AP1G1: variants seen among roughly 807,000 people sequenced by gnomAD.
AP1G1 encodes adaptor related protein complex 1 subunit gamma 1.
A neutral mutation model predicts 108.3 loss-of-function variants in AP1G1; 7 were observed. That is an observed-to-expected ratio of 0.06 (90% CI 0.04 to 0.12). AP1G1 has a LOEUF of 0.12. Among genes scored for constraint, AP1G1 ranks in the 10% least tolerant of loss-of-function variants. The probability of loss-of-function intolerance (pLI) is 1.00; values close to 1 mark genes in which losing one functional copy is unlikely to be tolerated. For missense variants in AP1G1, 756 were observed against 1,010.7 expected (o/e 0.75, Z 3.42); for synonymous variants, 379 against 353.5 (o/e 1.07, Z -0.81).
At chr16:71,797,033 T>C (rs966137877) in intron 1 of AP1G1, among the ~76,000 whole-genome samples, 2 of 150,076 alleles carry the variant, frequency 1.3e-5, no homozygotes, top group African/African-American at 2.4e-5. Context: ...TATATATATA[T>C]ATGTATGTAT....
chr16:71,766,596 T>C (rs2145474939), intron 6 of AP1G1: 1 of 305,782 alleles, frequency 3.3e-6, no homozygotes, highest in Middle Eastern at 1.2e-3. Context: ...TTGCATTCCA[T>C]CTCTTTTGCA....
In AP1G1 at chr16:71,807,910, T is replaced by C. The variant is rs568003566; in HGVS notation, c.-4+853A>G. 9 of 1,283,724 alleles carry C rather than the reference T, an allele frequency of 7.0e-6. No individual in the cohort carries two copies. In the South Asian group the frequency reaches 8.7e-5, roughly 12 times the overall value. The allele number at this position is 1,283,724 out of a possible 1,614,324, so 79.5% of individuals were successfully genotyped here. On this transcript the variant is annotated intron_variant, in intron 1 of 22. Coordinates refer to ENST00000299980, the MANE Select transcript of AP1G1 (RefSeq NM_001128.6). ...CAGTAAGCACCAAAAAGCTAAGTATTCAGCACAGGGAGGGAATCCACATAT... is the reference window on the plus strand; with the variant it reads ...CAGTAAGCACCAAAAAGCTAAGTATCCAGCACAGGGAGGGAATCCACATAT...
intron 1 of AP1G1, chr16:71,808,535 G>T (rs577177223): frequency 4.7e-5 from 60 of 1,283,298 alleles, no homozygotes; most frequent in Non-Finnish European, 5.9e-5. Flanking sequence ...ACGGAACGCC[G>T]CGGCGCGCGG....
intron 1 of AP1G1, among the ~76,000 whole-genome samples, chr16:71,792,759 C>A (rs568651447): frequency 6.6e-6 from 1 of 151,702 alleles, no homozygotes; most frequent in Non-Finnish European, 1.5e-5. Context: ...GAGGCTGAGG[C>A]AGGAGAATCG....
chr16:71,798,623 C>T (rs928360404), intron 1 of AP1G1, among the ~76,000 whole-genome samples: 9 of 152,184 alleles, frequency 5.9e-5, no homozygotes, highest in African/African-American at 2.2e-4. Context: ...TGCGGTGGCT[C>T]ACGCCTGTAA....
At chr16:71,807,501 A>C (rs1010706117) in intron 1 of AP1G1, among the ~76,000 whole-genome samples, 1 of 152,230 alleles carries the variant, frequency 6.6e-6, no homozygotes, top group African/African-American at 2.4e-5. Context: ...ATGCCTTTAG[A>C]ATAAAAGTGA....
chr16:71,749,761 G>A, intron 15 of AP1G1, 133 bp downstream of exon 15: 2 of 737,220 alleles, frequency 2.7e-6, no homozygotes, highest in Middle Eastern at 2.4e-4. Flanking sequence ...AAAGCGCTGG[G>A]ATTATAGGCA....
In AP1G1 at chr16:71,748,297, G is replaced by A. The variant is rs199963410; in HGVS notation, c.1579C>T (p.Leu527Phe). ...GTGGAAAGCTTCATAATGGCAGTGAGGGCATAACCTCGTGTCACAGAGGTG... is the reference window on the plus strand; with the variant it reads ...GTGGAAAGCTTCATAATGGCAGTGAAGGCATAACCTCGTGTCACAGAGGTG... ...MSTSVTRGYALTAIMKLSTRF... is the reference protein window; with the variant it reads ...MSTSVTRGYAFTAIMKLSTRF... Residue 527 changes from leucine to phenylalanine, a missense_variant, in exon 16 of 23, where the codon CTC becomes TTC. Physicochemically the swap from Leu to Phe is conservative, Grantham distance 22. Coordinates refer to ENST00000299980, the MANE Select transcript of AP1G1 (RefSeq NM_001128.6). 34 of 1,613,900 alleles carry A rather than the reference G, an allele frequency of 2.1e-5. No homozygotes were observed. The highest frequency in any genetic ancestry group is 2.8e-5 in the Non-Finnish European group (33 of 1,179,956).
At chr16:71,799,901 AAATAAT>A (rs145326343) in intron 1 of AP1G1, among the ~76,000 whole-genome samples, 13 of 147,338 alleles carry the variant, frequency 8.8e-5, no homozygotes, top group South Asian at 6.4e-4. Flanking sequence ...TCCATCTTAA[AAATAAT>A]AATAATAATA....
intron 2 of AP1G1, among the ~76,000 whole-genome samples, chr16:71,784,715 C>T (rs1266437963): frequency 3.3e-5 from 5 of 151,704 alleles, no homozygotes; most frequent in African/African-American, 7.3e-5. Context: ...CCCACCATCA[C>T]GCCTGGCTAA....
At chr16:71,767,596 CAA>C (rs1001939064) in intron 6 of AP1G1, among the ~76,000 whole-genome samples, 1 of 152,026 alleles carries the variant, frequency 6.6e-6, no homozygotes, top group African/African-American at 2.4e-5. Flanking sequence ...GGAAACTGCT[CAA>C]AGTTTCTCAA....
At chr16:71,807,385 C>G (rs1267780740) in intron 1 of AP1G1, among the ~76,000 whole-genome samples, 2 of 152,166 alleles carry the variant, frequency 1.3e-5, no homozygotes. Context: ...TGAGCCGAGA[C>G]CGTGCCACTG....
At chr16:71,791,306 A>G (rs904940962) in intron 1 of AP1G1, among the ~76,000 whole-genome samples, 3 of 152,150 alleles carry the variant, frequency 2.0e-5, no homozygotes, top group African/African-American at 7.2e-5. Flanking sequence ...CAATTTTACC[A>G]TATGTTAACT....
At chr16:71,752,978 T>G (rs894138837) in intron 13 of AP1G1, among the ~76,000 whole-genome samples, 1 of 152,194 alleles carries the variant, frequency 6.6e-6, no homozygotes, top group East Asian at 1.9e-4. Context: ...ATTGAATATA[T>G]TAATATGCTG....
chr16:71,760,721 T>C (rs926458021), intron 10 of AP1G1, among the ~76,000 whole-genome samples: 1 of 152,064 alleles, frequency 6.6e-6, no homozygotes, highest in African/African-American at 2.4e-5. Context: ...CTCATTTTTG[T>C]ATTTTTCTGT....
chr16:71,774,254 T>A, intron 3 of AP1G1: 1 of 497,896 alleles, frequency 2.0e-6, no homozygotes, highest in South Asian at 2.8e-5. Context: ...GGCAGGTGCC[T>A]ATAATCCCAG....
intron 21 of AP1G1, among the ~76,000 whole-genome samples, chr16:71,738,650 C>T (rs1242186727): frequency 6.6e-6 from 1 of 152,162 alleles, no homozygotes; most frequent in East Asian, 1.9e-4. Flanking sequence ...CCTAACCTAT[C>T]CTCAATGCCC....
At chr16:71,786,224 A>G (rs1297423532) in intron 2 of AP1G1, among the ~76,000 whole-genome samples, 3 of 152,206 alleles carry the variant, frequency 2.0e-5, no homozygotes, top group Non-Finnish European at 2.9e-5. Context: ...TTAAAAGCAC[A>G]TTCTATTTAA....
intron 1 of AP1G1, among the ~76,000 whole-genome samples, chr16:71,798,681 A>G (rs1229730650): frequency 6.6e-6 from 1 of 152,074 alleles, no homozygotes; most frequent in Non-Finnish European, 1.5e-5. Context: ...TGAGGTCAGG[A>G]GTTTGAGACC....
Sources: gnomAD v4.1 joint callset for allele counts (sites outside exome capture counted in the v4.1 genomes callset) on GRCh38, gnomAD v4.1.1 for gene constraint, MANE v1.5 for transcripts, NCBI Gene and HGNC (gene_info 2026-07-23, HGNC 2026-07-21) for gene names.